STRN: variants seen among roughly 807,000 people sequenced by gnomAD.
STRN encodes the protein striatin, also known as protein phosphatase 2 regulatory subunit B'''alpha.
In STRN, 53 loss-of-function variants were observed where a neutral mutation model predicts 96.3. The ratio of observed to expected loss-of-function variants is 0.55; its 90% CI spans 0.44 to 0.69. STRN has a LOEUF of 0.69. Among genes scored for constraint, STRN ranks in the 30% least tolerant of loss-of-function variants. STRN has a pLI of 0.00. For missense variants in STRN, 987 were observed against 963.9 expected, an observed-to-expected ratio of 1.02 and a Z score of -0.32; for synonymous variants, 428 against 355.9, an observed-to-expected ratio of 1.20 and a Z score of -2.28.
At chr2:36,942,117 G>C (rs1417574104) in intron 1 of STRN, among the ~76,000 whole-genome samples, 1 of 152,034 alleles carries the variant, frequency 6.6e-6, no homozygotes, top group Non-Finnish European at 1.5e-5. Context: ...AGACACTTCT[G>C]GGAAAGCTTA....
Position 36,966,386 on chromosome 2 carries a change from A to G in STRN, c.78T>C (p.Pro26=). Residue 26 remains proline (P), a synonymous_variant, in exon 1 of 18, where the codon CCT becomes CCC. Transcript: ENST00000263918. ...CGCCGGCCGCGGCAGCCTCCGCCAGAGGCCCGAGCCCCTTGGCACCGCCGG... is the reference window on the plus strand; with the variant it reads ...CGCCGGCCGCGGCAGCCTCCGCCAGGGGCCCGAGCCCCTTGGCACCGCCGG... The part of the protein sequence containing the change: ...PGAGGAKGLG[P]LAEAAAAGDG... The G allele has an allele frequency of 2.7e-6, 4 of 1,454,956 alleles. No individual in the cohort carries two copies. Among genetic ancestry groups the G allele is most frequent in the Non-Finnish European group, 3.6e-6 (4 of 1,106,274 alleles). The allele number at this position is 1,454,956 out of a possible 1,614,324, so 90.1% of individuals were successfully genotyped here.
chr2:36,885,685 A>T (rs1305034330), intron 8 of STRN, among the ~76,000 whole-genome samples: 5 of 152,158 alleles, frequency 3.3e-5, no homozygotes, highest in Admixed American at 2.0e-4. Context: ...GCTTTTAAGT[A>T]ATAAAGTTTA....
chr2:36,887,131 C>T (rs531986148), intron 7 of STRN, among the ~76,000 whole-genome samples: 3 of 151,432 alleles, frequency 2.0e-5, no homozygotes, highest in African/African-American at 7.3e-5. Flanking sequence ...AAACACTTTA[C>T]AATCAAGAAC....
chr2:36,958,660 G>C (rs938149257), intron 1 of STRN, among the ~76,000 whole-genome samples: 1 of 152,098 alleles, frequency 6.6e-6, no homozygotes, highest in Non-Finnish European at 1.5e-5. Flanking sequence ...AAAATACAGA[G>C]CAGATAATGG....
chr2:36,898,872 G>C (rs1488944527), intron 6 of STRN, among the ~76,000 whole-genome samples: 4 of 152,014 alleles, frequency 2.6e-5, no homozygotes, highest in African/African-American at 9.7e-5. Context: ...GTAGGAGGAA[G>C]AAGGAAGGAG....
intron 16 of STRN, among the ~76,000 whole-genome samples, chr2:36,850,255 T>C (rs1350421199): frequency 1.3e-5 from 2 of 151,810 alleles, no homozygotes; most frequent in Non-Finnish European, 2.9e-5. Context: ...CAGAAAAAAA[T>C]TTTAAATATT....
chr2:36,863,625 T>C (rs1477938475), intron 12 of STRN, among the ~76,000 whole-genome samples: 1 of 152,230 alleles, frequency 6.6e-6, no homozygotes, highest in Non-Finnish European at 1.5e-5. Context: ...GCTTTGTTCT[T>C]TTTGCTTAGG....
At chr2:36,934,232 A>G (rs556833196) in intron 1 of STRN, among the ~76,000 whole-genome samples, 1 of 152,210 alleles carries the variant, frequency 6.6e-6, no homozygotes, top group African/African-American at 2.4e-5. Flanking sequence ...GAAATGTTCT[A>G]TATCTCCCCC....
rs1356805231 is a variant in STRN at position 36,841,717 on chromosome 2, T to C, written c.*7739A>G. 6.6e-6 allele frequency: 1 copy of C among 152,236 alleles called. No individual in the cohort carries two copies. The highest frequency in any genetic ancestry group is 1.5e-5 in the Non-Finnish European group (1 of 68,044). The allele number at this position is 152,236 out of a possible 1,614,324, so 9.4% of individuals were successfully genotyped here. ...CACAAAATACTTGGGCTTATATTTT[T>C]ACAGCTTCCTAAAATATAATGAAAA... is the stretch of plus-strand genomic sequence containing the variant. On this transcript the variant is annotated 3_prime_UTR_variant, in exon 18 of 18. Transcript: ENST00000263918.
At chr2:36,960,911 T>C (rs1214523028) in intron 1 of STRN, among the ~76,000 whole-genome samples, 1 of 152,092 alleles carries the variant, frequency 6.6e-6, no homozygotes, top group Non-Finnish European at 1.5e-5. Context: ...GATTGATTTG[T>C]TCTGAGACAG....
chr2:36,966,257 C>T lies in STRN; in HGVS notation c.207G>A (p.Gln69=), dbSNP rs1321453040. The T allele has an allele frequency of 2.6e-5, 42 of 1,585,930 alleles. No individual in the cohort carries two copies. The highest frequency in any genetic ancestry group is 3.4e-5 in the Non-Finnish European group (40 of 1,168,162). ...EWARFEVERA[Q]WEVERAELQA... is the part of the protein sequence containing the mutation. Reference sequence around the variant, plus strand: ...GCAGCTCCGCCCGCTCCACCTCCCACTGGGCTCTCTCCACCTCGAAGCGGG... The same window carrying T: ...GCAGCTCCGCCCGCTCCACCTCCCATTGGGCTCTCTCCACCTCGAAGCGGG... The change falls in exon 1 of 18, where the codon CAG becomes CAA. Residue 69 remains glutamine, a synonymous_variant. Transcript: ENST00000263918.
At chr2:36,864,998 A>G (rs1242877386) in intron 12 of STRN, among the ~76,000 whole-genome samples, 1 of 152,224 alleles carries the variant, frequency 6.6e-6, no homozygotes, top group African/African-American at 2.4e-5. Flanking sequence ...TACAGGCGTG[A>G]GCCACTGCAC....
chr2:36,882,385 G>A (rs79300848), intron 9 of STRN, among the ~76,000 whole-genome samples: 1,953 of 152,148 alleles, frequency 0.013, 44 homozygotes, highest in African/African-American at 0.045. Context: ...ATATTTGATT[G>A]TTTTAAGAGA....
chr2:36,887,587 T>C (rs1329762668), intron 7 of STRN, among the ~76,000 whole-genome samples: 1 of 152,142 alleles, frequency 6.6e-6, no homozygotes, highest in Non-Finnish European at 1.5e-5. Context: ...TTAGGGATTG[T>C]ACAAAATAAA....
Position 36,846,387 on chromosome 2 carries a change from T to TTTTATATATA in STRN, c.*3068_*3069insTATATATAAA, listed in dbSNP as rs1314756009. 153 of 78,318 alleles carry TTTTATATATA rather than the reference T, an allele frequency of 2.0e-3. 1 individual carries two copies. Among genetic ancestry groups the TTTTATATATA allele is most frequent in the Non-Finnish European group, 2.7e-3 (124 of 46,178 alleles). The allele number at this position is 78,318 out of a possible 1,614,324, so 4.9% of individuals were successfully genotyped here. On this transcript the variant is annotated 3_prime_UTR_variant, in exon 18 of 18. Transcript: ENST00000263918. ...CAAAACAGTAAAATGCACCTATGGTTTATATATATATATATATATATATAT... is the reference window on the plus strand; with the variant it reads ...CAAAACAGTAAAATGCACCTATGGTTTTTATATATATATATATATATATATATATATATAT...
chr2:36,890,851 A>C (rs370532742), intron 7 of STRN, among the ~76,000 whole-genome samples: 1 of 152,278 alleles, frequency 6.6e-6, no homozygotes, highest in East Asian at 1.9e-4. Flanking sequence ...GTAATTTTCA[A>C]CTGAACACTA....
At chr2:36,940,354 A>G (rs11674211) in intron 1 of STRN, among the ~76,000 whole-genome samples, 13,153 of 152,234 alleles carry the variant, frequency 0.086, 797 homozygotes, top group African/African-American at 0.16. Context: ...GGAGGTTGAT[A>G]AAGAACCATG....
intron 9 of STRN, among the ~76,000 whole-genome samples, chr2:36,879,966 T>TAA (rs552826713): frequency 4.3e-5 from 6 of 141,094 alleles, no homozygotes; most frequent in Middle Eastern, 3.4e-3. Flanking sequence ...CCCTATATCT[T>TAA]AAAAAAAAAA....
At chr2:36,885,792 C>A (rs1669205374) in intron 8 of STRN, among the ~76,000 whole-genome samples, 1 of 152,114 alleles carries the variant, frequency 6.6e-6, no homozygotes, top group Non-Finnish European at 1.5e-5. Flanking sequence ...TCTTTCGCAA[C>A]TTTAAAATAC....
Sources: allele counts gnomAD v4.1 joint callset (sites outside exome capture counted in the v4.1 genomes callset), GRCh38; gene constraint gnomAD v4.1.1; transcripts MANE v1.5; gene names NCBI Gene and HGNC (gene_info 2026-07-23, HGNC 2026-07-21).